Variants in CCR6 observed in about 807,000 individuals in gnomAD.
The protein encoded by CCR6 is C-C chemokine receptor type 6.
Under a neutral mutation model 3.0 loss-of-function variants are expected in CCR6, and 2 were observed. That is an observed-to-expected ratio of 0.66 (90% CI 0.27 to 2.07). The LOEUF (loss-of-function observed/expected upper bound fraction) is 2.07, where lower values mean the gene tolerates loss of function less well. CCR6 is among the 30% of genes most tolerant of loss of function. CCR6 has a pLI of 0.14. For missense variants in CCR6, 322 were observed against 462.8 expected (o/e 0.70, Z 2.79); for synonymous variants, 193 against 184.3 (o/e 1.05, Z -0.38).
chr6:167,120,051 G>A (rs1037840799), upstream of CCR6, among the ~76,000 whole-genome samples: 5 of 152,296 alleles, frequency 3.3e-5, no homozygotes, highest in African/African-American at 1.2e-4. Flanking sequence ...CACAATGAGA[G>A]TAGAAAACTG....
At chr6:167,131,000 T>TCCCCCCTC (rs1562559693) in intron 1 of CCR6, among the ~76,000 whole-genome samples, 1 of 117,114 alleles carries the variant, frequency 8.5e-6, no homozygotes, top group African/African-American at 3.6e-5. Context: ...CCCCCTCCCT[T>TCCCCCCTC]TGGGACCCCT....
intron 1 of CCR6, among the ~76,000 whole-genome samples, chr6:167,134,230 G>A (rs924976355): frequency 2.0e-5 from 3 of 152,014 alleles, no homozygotes; most frequent in Non-Finnish European, 2.9e-5. Flanking sequence ...TTGATCCACC[G>A]TGGCTGGAAG....
intron 1 of CCR6, among the ~76,000 whole-genome samples, chr6:167,132,375 G>A (rs1322843448): frequency 1.3e-5 from 2 of 152,168 alleles, no homozygotes; most frequent in Admixed American, 1.3e-4. Flanking sequence ...GTTCAGCTGT[G>A]CAAGAAAGGA....
intron 1 of CCR6, among the ~76,000 whole-genome samples, chr6:167,112,596 G>A (rs145501643): frequency 6.6e-6 from 1 of 152,272 alleles, no homozygotes; most frequent in African/African-American, 2.4e-5. Flanking sequence ...GGGGGCTGTG[G>A]CTGCTGCAGA....
At chr6:167,135,910 A>G (rs1232615935) in intron 1 of CCR6, 128 bp from the exon 2 acceptor site, 2 of 532,540 alleles carry the variant, frequency 3.8e-6, no homozygotes, top group East Asian at 3.1e-5. Flanking sequence ...TTCTCAATGA[A>G]TATTTGTATG....
At chr6:167,121,882 C>T (rs36226074), upstream of CCR6, among the ~76,000 whole-genome samples, 66 of 152,220 alleles carry the variant, frequency 4.3e-4, no homozygotes, top group African/African-American at 1.5e-3. Context: ...CAGAAAAGGC[C>T]CTTCTTTTAT....
intron 1 of CCR6, chr6:167,129,492 A>G (rs1781719934): frequency 6.6e-6 from 1 of 152,254 alleles, no homozygotes; most frequent in Non-Finnish European, 1.5e-5. Flanking sequence ...TTCTCTCTGC[A>G]AATGGGTTTT....
intron 1 of CCR6, among the ~76,000 whole-genome samples, chr6:167,133,930 GTGTATATATATATATATATATA>G (rs1398060187): frequency 0.015 from 429 of 29,050 alleles, 17 homozygotes; most frequent in Middle Eastern, 0.062. Flanking sequence ...TGATATATGT[GTGTATATATATATATATATATA>G]TATATATATA....
chr6:167,132,899 G>T (rs1004906473), intron 1 of CCR6, among the ~76,000 whole-genome samples: 4 of 152,100 alleles, frequency 2.6e-5, no homozygotes, highest in African/African-American at 9.7e-5. Context: ...CGTCTTTTTT[G>T]TGTGTGTATT....
intron 1 of CCR6, among the ~76,000 whole-genome samples, chr6:167,134,386 A>G (rs1038409860): frequency 2.0e-5 from 3 of 152,206 alleles, no homozygotes; most frequent in Non-Finnish European, 4.4e-5. Flanking sequence ...TGGGATTACA[A>G]AAGTGCAGAG....
chr6:167,128,930 T>TTAGA lies in CCR6; in HGVS notation c.-98+5709_-98+5712dup, dbSNP rs371374317. On this transcript the variant is annotated intron_variant, in intron 1 of 2. Coordinates refer to ENST00000341935, the MANE Select transcript of CCR6 (RefSeq NM_031409.4). ...ATTTTCCCTACTGAATTTTACAACA[T>TTAGA]TAGATTTACCCATTGCTTGATTCTG... 4.3e-3 allele frequency among the ~76,000 whole-genome samples: 655 copies of TTAGA among 152,332 alleles called. 5 individuals carry two copies. Among genetic ancestry groups the TTAGA allele is most frequent in the African/African-American group, 0.013 (531 of 41,570 alleles).
In CCR6 at chr6:167,138,144, G is replaced by C. The variant is rs1380246432; in HGVS notation, c.*789G>C. On this transcript the variant is annotated 3_prime_UTR_variant, in exon 3 of 3. Coordinates refer to ENST00000341935, the MANE Select transcript of CCR6 (RefSeq NM_031409.4). ...TTAAGCTGAGAGTGCTATGAAGACAGGATCTAGAATAATCTTGCTCACAGC... is the reference window on the plus strand; with the variant it reads ...TTAAGCTGAGAGTGCTATGAAGACACGATCTAGAATAATCTTGCTCACAGC... The C allele has an allele frequency of 6.6e-6, 1 of 152,314 alleles. No individual in the cohort carries two copies. The highest frequency in any genetic ancestry group is 2.4e-5 in the African/African-American group (1 of 41,436). 9.4% of individuals were successfully genotyped at this position (152,314 alleles called of 1,614,324 possible).
At chr6:167,134,102 G>T (rs1781814244) in intron 1 of CCR6, among the ~76,000 whole-genome samples, 1 of 151,570 alleles carries the variant, frequency 6.6e-6, no homozygotes, top group Non-Finnish European at 1.5e-5. Context: ...CACTGTATTT[G>T]TTCTCCTCCT....
rs1201380934 is a variant in CCR6 at position 167,133,930 on chromosome 6, G to GTATA, written c.-97-2107_-97-2106insATAT. 1.3e-3 allele frequency among the ~76,000 whole-genome samples: 38 copies of GTATA among 29,040 alleles called. 1 individual carries two copies. Among genetic ancestry groups the GTATA allele is most frequent in the African/African-American group, 4.0e-3 (34 of 8,406 alleles). The allele number at this position is 29,040 out of a possible 152,430, so 19.1% of individuals were successfully genotyped here. A position where few individuals can be genotyped will look rare whatever the true frequency, so the allele number is the denominator to read the frequency against. On this transcript the variant is annotated intron_variant, in intron 1 of 2. Coordinates refer to ENST00000341935, the MANE Select transcript of CCR6 (RefSeq NM_031409.4). ...TGATACTATTATATATGATATATGT[G>GTATA]TGTATATATATATATATATATATAT... is the stretch of plus-strand genomic sequence containing the variant.
intron 1 of CCR6, among the ~76,000 whole-genome samples, chr6:167,125,105 C>A (rs1781651135): frequency 6.6e-6 from 1 of 151,816 alleles, no homozygotes; most frequent in Non-Finnish European, 1.5e-5. Flanking sequence ...TACATACACA[C>A]ACACCGACAT....
chr6:167,130,649 T>C (rs1486724782), intron 1 of CCR6, among the ~76,000 whole-genome samples: 3 of 151,878 alleles, frequency 2.0e-5, no homozygotes, highest in Admixed American at 6.5e-5. Context: ...CCACCGTTTT[T>C]ATGGAGAATC....
chr6:167,120,979 T>G (rs969464212), upstream of CCR6: 29 of 152,262 alleles, frequency 1.9e-4, no homozygotes, highest in African/African-American at 6.8e-4. Context: ...TGAGAAACAT[T>G]GCAGAGGTCA....
At chr6:167,134,430 C>G (rs932918106) in intron 1 of CCR6, among the ~76,000 whole-genome samples, 6 of 152,052 alleles carry the variant, frequency 3.9e-5, no homozygotes, top group Non-Finnish European at 8.8e-5. Flanking sequence ...TTTTTAGGCC[C>G]AAAGCAGTGA....
In CCR6 at chr6:167,138,979, A is replaced by T. The variant is rs1181566159; in HGVS notation, c.*1624A>T. The T allele has an allele frequency of 6.6e-6, 1 of 151,976 alleles. No homozygotes were observed. The highest frequency in any genetic ancestry group is 1.9e-4 in the East Asian group (1 of 5,296). 9.4% of individuals were successfully genotyped at this position (151,976 alleles called of 1,614,324 possible). A position where few individuals can be genotyped will look rare whatever the true frequency, so the allele number is the denominator to read the frequency against. ...AGAACTGTCATGTAAACATACCAAC[A>T]TGTTTAAACCTGACAATGGTGTTAT... On this transcript the variant is annotated 3_prime_UTR_variant, in exon 3 of 3. Transcript: ENST00000341935.
Sources: allele counts gnomAD v4.1 joint callset (sites outside exome capture counted in the v4.1 genomes callset), GRCh38; gene constraint gnomAD v4.1.1; transcripts MANE v1.5; gene names NCBI Gene and HGNC (gene_info 2026-07-23, HGNC 2026-07-21).